ZNF385D: variants seen among roughly 807,000 people sequenced by gnomAD.
ZNF385D encodes zinc finger protein 385D, also known as zinc finger protein 659.
ZNF385D carries 15 observed loss-of-function variants against 35.8 expected under a neutral mutation model. The observed-to-expected ratio is 0.42, with a 90% confidence interval of 0.28 to 0.64. The LOEUF (loss-of-function observed/expected upper bound fraction) is 0.64. Among genes scored for constraint, ZNF385D ranks in the 30% least tolerant of loss-of-function variants. The pLI is 0.23. For synonymous variants in ZNF385D, 212 were observed against 186.8 expected (o/e 1.13, Z -1.10); for missense variants, 474 against 494.6 (o/e 0.96, Z 0.39).
At chr3:21,921,795 T>TAA (rs1700477080) in intron 3 of ZNF385D, among the ~76,000 whole-genome samples, 1 of 151,192 alleles carries the variant, frequency 6.6e-6, no homozygotes, top group South Asian at 2.1e-4. Context: ...TCAAGAAGAA[T>TAA]TTGAAACCCT....
intron 3 of ZNF385D, among the ~76,000 whole-genome samples, chr3:21,885,135 C>T (rs1204837623): frequency 6.6e-6 from 1 of 151,954 alleles, no homozygotes; most frequent in Non-Finnish European, 1.5e-5. Context: ...TAATAATTTA[C>T]ATAAAAGCAT....
chr3:22,262,035 GCATATTAT>G (rs1700659931), intron 2 of ZNF385D, among the ~76,000 whole-genome samples: 1 of 151,882 alleles, frequency 6.6e-6, no homozygotes, highest in Admixed American at 6.6e-5. Flanking sequence ...TAAACTTGCA[GCATATTAT>G]CATATAAATA....
At chr3:22,337,086 TTTAG>T (rs1386775284) in intron 2 of ZNF385D, among the ~76,000 whole-genome samples, 3 of 151,926 alleles carry the variant, frequency 2.0e-5, no homozygotes, top group African/African-American at 7.3e-5. Context: ...AAATTATATA[TTTAG>T]TAACACTTTA....
intron 3 of ZNF385D, among the ~76,000 whole-genome samples, chr3:21,866,004 T>A (rs970893722): frequency 2.6e-5 from 4 of 152,216 alleles, no homozygotes; most frequent in African/African-American, 9.6e-5. Flanking sequence ...TATATTATCA[T>A]TTAATATTAT....
intron 2 of ZNF385D, among the ~76,000 whole-genome samples, chr3:22,211,662 A>G (rs1697533710): frequency 6.6e-6 from 1 of 151,946 alleles, no homozygotes; most frequent in Non-Finnish European, 1.5e-5. Context: ...AAAGAAACAG[A>G]GAGAAAGACC....
At chr3:22,027,612 T>A (rs182548266) in intron 3 of ZNF385D, among the ~76,000 whole-genome samples, 1 of 152,340 alleles carries the variant, frequency 6.6e-6, no homozygotes, top group East Asian at 1.9e-4. Flanking sequence ...CAAATCACCA[T>A]GCCACCTGAA....
At chr3:22,361,442 A>C (rs1696403762) in intron 2 of ZNF385D, among the ~76,000 whole-genome samples, 1 of 152,194 alleles carries the variant, frequency 6.6e-6, no homozygotes, top group South Asian at 2.1e-4. Context: ...AAGGTACAAA[A>C]CTGTTAAAGT....
At chr3:21,769,716 C>G (rs542105938) in intron 3 of ZNF385D, among the ~76,000 whole-genome samples, 5,565 of 100,400 alleles carry the variant, frequency 0.055, 217 homozygotes, top group Non-Finnish European at 0.066. Context: ...TGACTTTCTT[C>G]ACAGAATTGG....
intron 3 of ZNF385D, among the ~76,000 whole-genome samples, chr3:21,518,286 CAAG>C (rs1261117237): frequency 8.6e-5 from 13 of 151,926 alleles, no homozygotes; most frequent in Non-Finnish European, 1.9e-4. Flanking sequence ...AATTTCTATC[CAAG>C]AAGGATGAAC....
At chr3:22,338,698 A>ATTTTTTT (rs562729331) in intron 2 of ZNF385D, among the ~76,000 whole-genome samples, 2 of 125,434 alleles carry the variant, frequency 1.6e-5, no homozygotes, top group African/African-American at 6.3e-5. Context: ...TATTCATCTC[A>ATTTTTTT]TTTTTTTTTT....
intron 4 of ZNF385D, among the ~76,000 whole-genome samples, chr3:21,508,534 A>G (rs532983533): frequency 6.6e-6 from 1 of 152,192 alleles, no homozygotes; most frequent in African/African-American, 2.4e-5. Context: ...GATATTTGTT[A>G]TATATTAACT....
intron 3 of ZNF385D, among the ~76,000 whole-genome samples, chr3:21,766,580 C>A (rs1400444961): frequency 6.6e-6 from 1 of 152,058 alleles, no homozygotes; most frequent in East Asian, 1.9e-4. Context: ...AGATGCAAAT[C>A]TTGAGGGAGA....
chr3:22,101,210 C>A (rs1413387138), intron 3 of ZNF385D, among the ~76,000 whole-genome samples: 3 of 151,894 alleles, frequency 2.0e-5, no homozygotes, highest in Non-Finnish European at 4.4e-5. Flanking sequence ...ATAAAAAGCA[C>A]CAAAATTTCT....
chr3:21,921,617 G>C (rs1700465562), intron 3 of ZNF385D, among the ~76,000 whole-genome samples: 1 of 151,862 alleles, frequency 6.6e-6, no homozygotes, highest in Non-Finnish European at 1.5e-5. Context: ...GCAGTAGATG[G>C]AGAAAACACC....
chr3:21,491,145 G>A (rs931074092), intron 4 of ZNF385D, among the ~76,000 whole-genome samples: 10 of 140,494 alleles, frequency 7.1e-5, no homozygotes, highest in Middle Eastern at 3.4e-3. Flanking sequence ...ACTGTGAGGT[G>A]TGCCTAAAAG....
At chr3:21,613,552 G>A (rs754690773) in intron 2 of ZNF385D, among the ~76,000 whole-genome samples, 11 of 152,106 alleles carry the variant, frequency 7.2e-5, no homozygotes, top group Non-Finnish European at 1.5e-4. Flanking sequence ...GCATACAAAA[G>A]GACCCAACAT....
At chr3:22,330,343 TTTGTC>T (rs1694878221) in intron 2 of ZNF385D, among the ~76,000 whole-genome samples, 1 of 152,104 alleles carries the variant, frequency 6.6e-6, no homozygotes, top group Non-Finnish European at 1.5e-5. Flanking sequence ...ACTGCTGAGG[TTTGTC>T]TTTTTTGTTT....
chr3:21,826,541 G>C (rs1167863084), intron 3 of ZNF385D, among the ~76,000 whole-genome samples: 1 of 152,170 alleles, frequency 6.6e-6, no homozygotes, highest in Admixed American at 6.5e-5. Flanking sequence ...CCACTTGAAA[G>C]TCATTCCTTT....
chr3:21,442,843 G>A (rs1701932022), intron 4 of ZNF385D, among the ~76,000 whole-genome samples: 1 of 151,374 alleles, frequency 6.6e-6, no homozygotes, highest in Non-Finnish European at 1.5e-5. Flanking sequence ...ATGTCTATGT[G>A]TATGCATGTG....
Sources: allele counts gnomAD v4.1 joint callset (sites outside exome capture counted in the v4.1 genomes callset), GRCh38; gene constraint gnomAD v4.1.1; transcripts MANE v1.5; gene names NCBI Gene and HGNC (gene_info 2026-07-23, HGNC 2026-07-21).